DAB1: variants seen among roughly 807,000 people sequenced by gnomAD.
DAB1 encodes the protein DAB adaptor protein 1.
DAB1 carries 15 observed loss-of-function variants against 64.6 expected under a neutral mutation model. That is an observed-to-expected ratio of 0.23 (90% CI 0.16 to 0.36). The LOEUF (loss-of-function observed/expected upper bound fraction) is 0.36, where lower values mean the gene tolerates loss of function less well. DAB1 is among the 10% of genes least tolerant of loss of function. DAB1 has a pLI of 1.00. For missense variants in DAB1, 596 were observed against 706.7 expected (o/e 0.84, Z 1.78); for synonymous variants, 235 against 251.9 (o/e 0.93, Z 0.64).
chr1:58,284,243 C>T (rs961561810), intron 4 of DAB1, among the ~76,000 whole-genome samples: 1 of 152,250 alleles, frequency 6.6e-6, no homozygotes, highest in African/African-American at 2.4e-5. Context: ...TCTTTCTTAG[C>T]TTGACACTGG....
chr1:58,439,701 A>G (rs1395812384), intron 3 of DAB1, among the ~76,000 whole-genome samples: 1 of 152,224 alleles, frequency 6.6e-6, no homozygotes, highest in African/African-American at 2.4e-5. Context: ...TTTGTCCAGG[A>G]CCACACAGCT....
At chr1:57,954,867 A>T (rs1461369946) in intron 5 of DAB1, among the ~76,000 whole-genome samples, 1 of 152,146 alleles carries the variant, frequency 6.6e-6, no homozygotes, top group African/African-American at 2.4e-5. Context: ...TCCTTATAAC[A>T]GTTCTAGGTG....
At chr1:57,870,060 C>T (rs1039567906) in intron 1 of DAB1, among the ~76,000 whole-genome samples, 1 of 152,116 alleles carries the variant, frequency 6.6e-6, no homozygotes, top group South Asian at 2.1e-4. Flanking sequence ...TGGAAAAATA[C>T]TTACCCTCTC....
At chr1:57,590,397 G>A (rs1645429905) in intron 7 of DAB1, among the ~76,000 whole-genome samples, 1 of 151,950 alleles carries the variant, frequency 6.6e-6, no homozygotes, top group African/African-American at 2.4e-5. Context: ...TTGGCTCACT[G>A]CAACCTCCAC....
intron 2 of DAB1, among the ~76,000 whole-genome samples, chr1:57,161,008 A>G (rs1660693056): frequency 6.6e-6 from 1 of 152,086 alleles, no homozygotes; most frequent in East Asian, 1.9e-4. Context: ...TCCCTCTGCC[A>G]GAGCCTACCA....
chr1:57,266,861 A>T (rs753948967), intron 2 of DAB1, among the ~76,000 whole-genome samples: 35 of 152,126 alleles, frequency 2.3e-4, no homozygotes, highest in Non-Finnish European at 4.4e-4. Context: ...TAATTCTATC[A>T]TCCACAACAA....
At chr1:58,328,085 A>T (rs1662879609) in intron 4 of DAB1, among the ~76,000 whole-genome samples, 1 of 152,034 alleles carries the variant, frequency 6.6e-6, no homozygotes, top group Admixed American at 6.6e-5. Context: ...ACTCCCGAGC[A>T]CCCGCTATTT....
chr1:57,272,144 A>C (rs1001954560), intron 2 of DAB1, among the ~76,000 whole-genome samples: 1 of 149,458 alleles, frequency 6.7e-6, no homozygotes, highest in African/African-American at 2.6e-5. Context: ...CAGGAGAGCC[A>C]GCTTTCCAGA....
At chr1:58,281,009 G>A (rs767513639) in intron 4 of DAB1, among the ~76,000 whole-genome samples, 8 of 152,180 alleles carry the variant, frequency 5.3e-5, no homozygotes, top group Non-Finnish European at 1.0e-4. Flanking sequence ...GAGGAGAGGA[G>A]CATTCCATTA....
At chr1:58,256,483 G>A (rs561069272) in intron 4 of DAB1, among the ~76,000 whole-genome samples, 1 of 152,284 alleles carries the variant, frequency 6.6e-6, no homozygotes, top group Admixed American at 6.5e-5. Context: ...AGAAATGGTG[G>A]GTGCTTTAGA....
chr1:58,210,057 CCACT>C (rs1162586694), intron 4 of DAB1, among the ~76,000 whole-genome samples: 1 of 152,046 alleles, frequency 6.6e-6, no homozygotes, highest in African/African-American at 2.4e-5. Flanking sequence ...CACTTGTTTG[CCACT>C]CAAAGAAATA....
At chr1:57,825,306 A>G (rs1395081199), downstream of DAB1, among the ~76,000 whole-genome samples, 2 of 152,168 alleles carry the variant, frequency 1.3e-5, no homozygotes, top group Non-Finnish European at 2.9e-5. Flanking sequence ...GATGCCCAAG[A>G]GCAACTTATT....
chr1:57,692,582 C>T (rs1646777343), intron 6 of DAB1, among the ~76,000 whole-genome samples: 1 of 152,126 alleles, frequency 6.6e-6, no homozygotes. Context: ...AAAGAAAAAA[C>T]AGTGTACCCT....
chr1:58,436,107 G>GCC, intron 3 of DAB1, among the ~76,000 whole-genome samples: 1 of 152,198 alleles, frequency 6.6e-6, no homozygotes, highest in South Asian at 2.1e-4. Flanking sequence ...AACTGGCCAA[G>GCC]ATTTGAAGCC....
At chr1:58,347,810 CT>C (rs1453573971) in intron 3 of DAB1, among the ~76,000 whole-genome samples, 8 of 82,332 alleles carry the variant, frequency 9.7e-5, no homozygotes, top group Non-Finnish European at 2.7e-4. Context: ...GAGAAGCTAA[CT>C]ATTTCTCACC....
At chr1:57,339,256 T>C (rs1650962427) in intron 1 of DAB1, among the ~76,000 whole-genome samples, 1 of 151,928 alleles carries the variant, frequency 6.6e-6, no homozygotes, top group South Asian at 2.1e-4. Flanking sequence ...CTTGGGTTCA[T>C]GCCATTCTCC....
intron 1 of DAB1, among the ~76,000 whole-genome samples, chr1:57,416,515 T>C (rs1684507820): frequency 1.3e-5 from 2 of 152,310 alleles, no homozygotes; most frequent in Non-Finnish European, 1.5e-5. Context: ...ACTGTTTTAA[T>C]AGGACAGATT....
intron 6 of DAB1, among the ~76,000 whole-genome samples, chr1:57,657,162 C>T (rs1337899003): frequency 6.6e-6 from 1 of 152,126 alleles, no homozygotes; most frequent in Non-Finnish European, 1.5e-5. Context: ...TCAATTCTGG[C>T]CCTACCACTT....
chr1:57,187,754 C>G (rs1663720150), intron 2 of DAB1, among the ~76,000 whole-genome samples: 1 of 150,780 alleles, frequency 6.6e-6, no homozygotes, highest in Non-Finnish European at 1.5e-5. Context: ...TGGGATTCTA[C>G]TCAAAGTATT....
Sources: gnomAD v4.1 joint callset for allele counts (sites outside exome capture counted in the v4.1 genomes callset) on GRCh38, gnomAD v4.1.1 for gene constraint, MANE v1.5 for transcripts, NCBI Gene and HGNC (gene_info 2026-07-23, HGNC 2026-07-21) for gene names.